Variants in SLC39A8 observed in about 807,000 individuals in gnomAD.
SLC39A8 encodes the protein metal cation symporter ZIP8.
Under a neutral mutation model 40.4 loss-of-function variants are expected in SLC39A8, and 15 were observed. That is an observed-to-expected ratio of 0.37 (90% CI 0.25 to 0.57). The LOEUF (loss-of-function observed/expected upper bound fraction) is 0.57, where lower values mean the gene tolerates loss of function less well. Ranked by LOEUF, SLC39A8 falls within the 20% of genes least tolerant of loss-of-function variation. SLC39A8 has a pLI of 0.75. For missense variants in SLC39A8, 472 were observed against 558.8 expected (o/e 0.84, Z 1.57); for synonymous variants, 223 against 221.6 (o/e 1.01, Z -0.06).
intron 6 of SLC39A8, among the ~76,000 whole-genome samples, chr4:102,300,786 T>C (rs1441053642): frequency 2.6e-5 from 4 of 151,824 alleles, no homozygotes; most frequent in African/African-American, 9.7e-5. Flanking sequence ...ATTTTTATAA[T>C]ATAAAATATT....
chr4:102,344,971 G>A (rs1468553655), intron 1 of SLC39A8, 56 bp from the exon 2 acceptor site: 6 of 1,096,874 alleles, frequency 5.5e-6, no homozygotes, highest in Non-Finnish European at 6.8e-6. Context: ...GCACCAGCCG[G>A]CAGGCTCCAG....
chr4:102,345,089 G>A, intron 1 of SLC39A8, 174 bp from the exon 2 acceptor site: 1 of 189,048 alleles, frequency 5.3e-6, no homozygotes, highest in Non-Finnish European at 1.0e-5. Context: ...GCTCCTCCCG[G>A]ATATAAAGCC....
chr4:102,274,710 A>G (rs1044844207), intron 6 of SLC39A8, among the ~76,000 whole-genome samples: 4 of 152,208 alleles, frequency 2.6e-5, no homozygotes, highest in Admixed American at 6.5e-5. Context: ...GGGAAAGGTC[A>G]TGTTACCTAA....
At chr4:102,267,700 A>C in intron 7 of SLC39A8, 26 bp from the exon 8 acceptor site, 1 of 1,562,300 alleles carries the variant, frequency 6.4e-7, no homozygotes, top group South Asian at 1.2e-5. Context: ...GAAAATATCA[A>C]GTGAATAGTT....
chr4:102,304,459 T>C lies in SLC39A8; in HGVS notation c.698A>G (p.Asn233Ser), dbSNP rs1321315538. Residue 233 changes from asparagine (N) to serine (S), a missense_variant, in exon 6 of 9, where the codon AAT becomes AGT. Around this residue, in one of 4 missense-constraint regions of SLC39A8, gnomAD observed 239 missense variants for 317.9 expected, o/e 0.75. Transcript: ENST00000356736. The stretch of plus-strand genomic sequence containing the variant: ...TTTTTCTTGAGGACCAAAGTTATCA[T>C]TTCCAAAGTGGGTATGACCATTCTA... ...YGQNGHTHFG[N>S]DNFGPQEKTH... 2 of 1,611,264 alleles carry C rather than the reference T, an allele frequency of 1.2e-6. No homozygotes were observed. Among genetic ancestry groups the C allele is most frequent in the East Asian group, 2.2e-5 (1 of 44,744 alleles).
At chr4:102,254,702 T>A (rs1731670278) in intron 11 of SLC39A8, among the ~76,000 whole-genome samples, 1 of 152,222 alleles carries the variant, frequency 6.6e-6, no homozygotes, top group Non-Finnish European at 1.5e-5. Flanking sequence ...ACATTAAACA[T>A]CTTCCTTGGA....
chr4:102,320,440 A>G (rs1352448029), intron 2 of SLC39A8, among the ~76,000 whole-genome samples: 117 of 98,968 alleles, frequency 1.2e-3, no homozygotes, highest in Middle Eastern at 0.01. Flanking sequence ...ATATATGAGA[A>G]TATATATATG....
exon 12 of SLC39A8, chr4:102,252,738 T>A: frequency 6.6e-6 from 1 of 152,116 alleles, no homozygotes; most frequent in East Asian, 1.9e-4. Flanking sequence ...CCTCTCAAGG[T>A]AGCTGTATTA....
intron 2 of SLC39A8, among the ~76,000 whole-genome samples, chr4:102,320,016 A>C (rs1465035492): frequency 6.6e-6 from 1 of 151,136 alleles, no homozygotes; most frequent in African/African-American, 2.4e-5. Context: ...TAGAGTTTAC[A>C]CCACTGGCTC....
At chr4:102,303,522 C>T (rs1403429981) in intron 6 of SLC39A8, among the ~76,000 whole-genome samples, 1 of 151,888 alleles carries the variant, frequency 6.6e-6, no homozygotes, top group Non-Finnish European at 1.5e-5. Flanking sequence ...CTATGTATCC[C>T]ACTTATGGAA....
At chr4:102,339,825 C>T (rs192307872) in intron 2 of SLC39A8, among the ~76,000 whole-genome samples, 13 of 152,076 alleles carry the variant, frequency 8.5e-5, no homozygotes, top group Non-Finnish European at 1.5e-4. Context: ...CCAATACATT[C>T]CACACTCTCA....
chr4:102,294,548 G>A (rs769997742), intron 6 of SLC39A8, among the ~76,000 whole-genome samples: 2 of 151,980 alleles, frequency 1.3e-5, no homozygotes, highest in Non-Finnish European at 2.9e-5. Context: ...TACCCTTGAT[G>A]TTTTCTCTTA....
chr4:102,342,733 G>A (rs1376120163), intron 2 of SLC39A8, among the ~76,000 whole-genome samples: 2 of 152,084 alleles, frequency 1.3e-5, no homozygotes, highest in Non-Finnish European at 2.9e-5. Flanking sequence ...ACAGAGAATC[G>A]TATTACTGGT....
chr4:102,262,239 C>A lies in SLC39A8; in HGVS notation c.*805G>T. ...TAAACCAACATATTCTTCACCTTCACAAAGCAAACACATGGTGCACTGAAA... is the reference window on the plus strand; with the variant it reads ...TAAACCAACATATTCTTCACCTTCAAAAAGCAAACACATGGTGCACTGAAA... On this transcript the variant is annotated 3_prime_UTR_variant, in exon 9 of 9. Coordinates refer to ENST00000356736, the MANE Select transcript of SLC39A8 (RefSeq NM_001135146.2). The A allele has an allele frequency of 2.0e-6, 2 of 985,902 alleles. No individual in the cohort carries two copies. Among genetic ancestry groups the A allele is most frequent in the African/African-American group, 3.5e-5 (2 of 57,328 alleles). 61.1% of individuals were successfully genotyped at this position (985,902 alleles called of 1,614,324 possible). A position where few individuals can be genotyped will look rare whatever the true frequency, so the allele number is the denominator to read the frequency against.
chr4:102,318,727 G>T (rs1048224678), intron 2 of SLC39A8, among the ~76,000 whole-genome samples: 2 of 152,120 alleles, frequency 1.3e-5, no homozygotes, highest in African/African-American at 4.8e-5. Context: ...AACAAATTAC[G>T]GAAAGGGTAG....
At chr4:102,269,772 C>G (rs1732262186) in intron 6 of SLC39A8, 1 of 152,210 alleles carries the variant, frequency 6.6e-6, no homozygotes, top group Non-Finnish European at 1.5e-5. Flanking sequence ...ACTTCCCCAC[C>G]TCTCAGAAAA....
intron 2 of SLC39A8, among the ~76,000 whole-genome samples, chr4:102,320,424 A>ATATATATATGAGAATATATATATGAGAG (rs1560561387): frequency 7.6e-5 from 5 of 66,080 alleles, no homozygotes; most frequent in East Asian, 2.7e-4. Context: ...ATATATGAGA[A>ATATATATATGAGAATATATATATGAGAG]TATATATATA....
chr4:102,276,512 A>C (rs190919836), intron 6 of SLC39A8, among the ~76,000 whole-genome samples: 2 of 152,182 alleles, frequency 1.3e-5, no homozygotes, highest in Non-Finnish European at 2.9e-5. Context: ...TAACAACCAA[A>C]AAAAGCCCAG....
chr4:102,329,723 A>G (rs559073959), intron 2 of SLC39A8, among the ~76,000 whole-genome samples: 3 of 152,230 alleles, frequency 2.0e-5, no homozygotes, highest in Admixed American at 6.5e-5. Context: ...TCAACAGAAT[A>G]TACATTCTTC....
Sources: allele counts gnomAD v4.1 joint callset (sites outside exome capture counted in the v4.1 genomes callset), GRCh38; gene constraint gnomAD v4.1.1; regional missense constraint gnomAD v4.1.1; transcripts MANE v1.5; gene names NCBI Gene and HGNC (gene_info 2026-07-23, HGNC 2026-07-21).